CLEC16A: variants seen among roughly 807,000 people sequenced by gnomAD.
The protein encoded by CLEC16A is C-type lectin domain containing 16A, also known as protein CLEC16A.
CLEC16A carries 51 observed loss-of-function variants against 109.5 expected under a neutral mutation model. That is an observed-to-expected ratio of 0.47 (90% CI 0.37 to 0.59). The LOEUF (loss-of-function observed/expected upper bound fraction) is 0.59, where lower values mean the gene tolerates loss of function less well. Among genes scored for constraint, CLEC16A ranks in the 20% least tolerant of loss-of-function variants. CLEC16A has a pLI of 0.00. For missense variants in CLEC16A, 1,339 were observed against 1,394.0 expected, an observed-to-expected ratio of 0.96 and a Z score of 0.63; for synonymous variants, 673 against 564.2, an observed-to-expected ratio of 1.19 and a Z score of -2.73.
chr16:11,101,515 T>C (rs2050914033), intron 19 of CLEC16A, among the ~76,000 whole-genome samples: 1 of 152,226 alleles, frequency 6.6e-6, no homozygotes, highest in Admixed American at 6.5e-5. Flanking sequence ...TTCTCCCTAC[T>C]GGGCTGTGAG....
intron 11 of CLEC16A, among the ~76,000 whole-genome samples, chr16:11,008,076 A>G (rs1302339845): frequency 2.0e-5 from 3 of 151,802 alleles, no homozygotes; most frequent in Non-Finnish European, 2.9e-5. Flanking sequence ...TAGCGCACAC[A>G]CTCTCGGTCG....
intron 18 of CLEC16A, 74 bp downstream of exon 18, chr16:11,051,715 G>C: frequency 1.3e-6 from 2 of 1,572,482 alleles, no homozygotes; most frequent in South Asian, 1.1e-5. Context: ...GGAGGAAAGG[G>C]CTTCTTTGTC....
At chr16:11,073,555 A>T (rs2049184891) in intron 19 of CLEC16A, among the ~76,000 whole-genome samples, 1 of 151,980 alleles carries the variant, frequency 6.6e-6, no homozygotes, top group African/African-American at 2.4e-5. Flanking sequence ...AAACTCTCAG[A>T]TCCTCGCAGT....
intron 5 of CLEC16A, 74 bp from the exon 6 acceptor site, chr16:10,972,480 A>T: frequency 1.4e-6 from 2 of 1,420,862 alleles, no homozygotes; most frequent in Non-Finnish European, 2.0e-6. Context: ...TCACCTTCCC[A>T]GGTCCTAACC....
chr16:11,026,852 G>T (rs560431646), intron 13 of CLEC16A, among the ~76,000 whole-genome samples: 1 of 152,200 alleles, frequency 6.6e-6, no homozygotes, highest in East Asian at 1.9e-4. Context: ...TGCAACTTTT[G>T]GCAGGAATGG....
chr16:11,125,760 C>T (rs144067878), intron 21 of CLEC16A, among the ~76,000 whole-genome samples: 14 of 152,296 alleles, frequency 9.2e-5, no homozygotes, highest in African/African-American at 2.9e-4. Flanking sequence ...AACCTTGGCC[C>T]GAAGCCCTCA....
intron 23 of CLEC16A, among the ~76,000 whole-genome samples, chr16:11,173,804 C>T (rs915690424): frequency 2.0e-5 from 3 of 152,220 alleles, no homozygotes; most frequent in African/African-American, 7.2e-5. Flanking sequence ...GTTCTTCCGT[C>T]CCCTGAGGCT....
Position 11,077,777 on chromosome 16 carries a change from T to A in CLEC16A, c.2116+16755T>A, listed in dbSNP as rs79550786. Among the ~76,000 whole-genome samples the A allele has an allele frequency of 3.1e-3, 478 of 152,308 alleles. 14 individuals carry two copies. In the East Asian group the frequency reaches 0.064, roughly 21 times the overall value. ...GTGCTGCAGGCGGCCTGGACAGATT[T>A]TTCAAATGAATGTCAAATGTTGTTC... On this transcript the variant is annotated intron_variant, in intron 19 of 23. Transcript: ENST00000409790.
At chr16:10,970,492 C>T (rs1279125079) in intron 4 of CLEC16A, among the ~76,000 whole-genome samples, 1 of 152,228 alleles carries the variant, frequency 6.6e-6, no homozygotes, top group Non-Finnish European at 1.5e-5. Context: ...TTTAGAAATA[C>T]TGCATTGCAC....
chr16:11,099,122 C>G (rs2050764467), intron 19 of CLEC16A, among the ~76,000 whole-genome samples: 1 of 152,230 alleles, frequency 6.6e-6, no homozygotes, highest in South Asian at 2.1e-4. Context: ...GTGCATGTGG[C>G]CAGAGCGCCC....
intron 15 of CLEC16A, 22 bp downstream of exon 15, chr16:11,042,385 C>A: frequency 3.3e-6 from 5 of 1,533,384 alleles, no homozygotes; most frequent in Non-Finnish European, 4.4e-6. Context: ...TCCGCTCCTC[C>A]TTCCTGTGGG....
At chr16:11,019,034 C>T (rs927711329) in intron 11 of CLEC16A, among the ~76,000 whole-genome samples, 5 of 152,078 alleles carry the variant, frequency 3.3e-5, no homozygotes, top group South Asian at 2.1e-4. Context: ...CTGCATGAGC[C>T]GGGGGGAGGG....
At chr16:11,103,407 C>T (rs2051037112) in intron 19 of CLEC16A, among the ~76,000 whole-genome samples, 2 of 152,164 alleles carry the variant, frequency 1.3e-5, no homozygotes, top group Non-Finnish European at 2.9e-5. Context: ...TGGTGAAACC[C>T]TGTCTCTACT....
At chr16:11,155,391 C>G (rs925839888) in intron 22 of CLEC16A, among the ~76,000 whole-genome samples, 1 of 152,222 alleles carries the variant, frequency 6.6e-6, no homozygotes, top group Non-Finnish European at 1.5e-5. Flanking sequence ...ACCACCGTAT[C>G]CTGTAGCCAG....
intron 19 of CLEC16A, among the ~76,000 whole-genome samples, chr16:11,064,219 C>T (rs1465637860): frequency 1.3e-5 from 2 of 152,228 alleles, no homozygotes; most frequent in African/African-American, 4.8e-5. Context: ...ATACCTCTCT[C>T]TAACAGAGAA....
chr16:10,987,744 C>T (rs761294432), intron 10 of CLEC16A, among the ~76,000 whole-genome samples: 16 of 152,152 alleles, frequency 1.1e-4, no homozygotes, highest in South Asian at 2.1e-4. Flanking sequence ...TCCCTATGAG[C>T]GAGAACAGAC....
At chr16:11,015,266 G>A (rs554635840) in intron 11 of CLEC16A, among the ~76,000 whole-genome samples, 23 of 152,182 alleles carry the variant, frequency 1.5e-4, no homozygotes, top group African/African-American at 5.1e-4. Context: ...CCAGGGTGTG[G>A]AAATCCCATT....
chr16:11,085,972 C>T (rs1411262572), intron 19 of CLEC16A, among the ~76,000 whole-genome samples: 1 of 152,194 alleles, frequency 6.6e-6, no homozygotes, highest in Non-Finnish European at 1.5e-5. Context: ...ACTTGGAGGC[C>T]TCTCGGGTCT....
chr16:11,080,953 G>A (rs1024704071), intron 19 of CLEC16A, among the ~76,000 whole-genome samples: 1 of 152,236 alleles, frequency 6.6e-6, no homozygotes. Context: ...GGATTAGGTC[G>A]TGGGCATCTT....
Sources: gnomAD v4.1 joint callset for allele counts (sites outside exome capture counted in the v4.1 genomes callset) on GRCh38, gnomAD v4.1.1 for gene constraint, MANE v1.5 for transcripts, NCBI Gene and HGNC (gene_info 2026-07-23, HGNC 2026-07-21) for gene names.